The following TUBA1C variants were observed in gnomAD, a reference collection of about 807,000 sequenced individuals.
The protein encoded by TUBA1C is tubulin alpha-1C chain.
In TUBA1C, 16 loss-of-function variants were observed where a neutral mutation model predicts 34.9. That is an observed-to-expected ratio of 0.46 (90% confidence interval 0.31 to 0.70). The LOEUF (loss-of-function observed/expected upper bound fraction) is 0.70. TUBA1C is among the 30% of genes least tolerant of loss of function. The pLI is 0.05. For synonymous variants in TUBA1C, 177 were observed against 215.9 expected (o/e 0.82, Z 1.58); for missense variants, 329 against 587.3 (o/e 0.56, Z 4.55).
chr12:49,257,610 C>A (rs139827142), intron 1 of TUBA1C, among the ~76,000 whole-genome samples: 53 of 151,802 alleles, frequency 3.5e-4, no homozygotes, highest in African/African-American at 1.2e-3. Context: ...AAGACCCTCT[C>A]GCTACAAAAA....
chr12:49,272,170 T>C (rs1942999696), intron 3 of TUBA1C, 83 bp from the exon 4 acceptor site: 1 of 1,528,418 alleles, frequency 6.5e-7, no homozygotes, highest in Non-Finnish European at 8.8e-7. Flanking sequence ...CATAGATTTA[T>C]AGAAGTCCTC....
At chr12:49,267,487 C>T (rs868230500) in intron 1 of TUBA1C, among the ~76,000 whole-genome samples, 3 of 152,268 alleles carry the variant, frequency 2.0e-5, no homozygotes, top group Middle Eastern at 6.8e-3. Flanking sequence ...GGTGAAACCC[C>T]ATCTCTACTA....
At chr12:49,254,039 C>G (rs777237284) in intron 1 of TUBA1C, among the ~76,000 whole-genome samples, 3 of 152,082 alleles carry the variant, frequency 2.0e-5, no homozygotes, top group African/African-American at 4.8e-5. Context: ...GAGCCGGGTG[C>G]GGTGACTTAC....
chr12:49,243,645 T>C (rs1034401287), intron 1 of TUBA1C, among the ~76,000 whole-genome samples: 1 of 152,150 alleles, frequency 6.6e-6, no homozygotes, highest in Admixed American at 6.6e-5. Context: ...AGAGTCTTGC[T>C]CTATCGCCCA....
intron 1 of TUBA1C, among the ~76,000 whole-genome samples, chr12:49,240,067 CACACACACA>C (rs1360334701): frequency 1.3e-5 from 2 of 151,738 alleles, no homozygotes; most frequent in African/African-American, 4.9e-5. Flanking sequence ...CACACACACA[CACACACACA>C]CCCTGCCTTT....
At chr12:49,229,616 G>A (rs1592270346) in intron 1 of TUBA1C, among the ~76,000 whole-genome samples, 1 of 152,048 alleles carries the variant, frequency 6.6e-6, no homozygotes, top group East Asian at 1.9e-4. Context: ...TCTCCCCAAA[G>A]AAACCCCTGT....
intron 1 of TUBA1C, among the ~76,000 whole-genome samples, chr12:49,265,519 C>T (rs1476561381): frequency 6.6e-6 from 1 of 152,196 alleles, no homozygotes; most frequent in Non-Finnish European, 1.5e-5. Flanking sequence ...ACTAAAAATC[C>T]CTCCCCACGT....
Position 49,273,180 on chromosome 12 carries a change from G to T in TUBA1C, c.1303G>T (p.Val435Phe), listed in dbSNP as rs1307957227. Residue 435 changes from valine to phenylalanine, a missense_variant, in exon 4 of 4, where the codon GTT (valine) becomes TTT (phenylalanine). Physicochemically the swap from Val to Phe is conservative, Grantham distance 50 (BLOSUM62 -1). Around this residue, in one of 4 missense-constraint regions of TUBA1C, gnomAD observed 34 missense variants for 31.8 expected, o/e 1.07. Transcript: ENST00000301072. ...MAALEKDYEE[V>F]GADSADGEDE... ...TGCCCTTGAGAAGGATTATGAGGAG[G>T]TTGGAGCAGATAGTGCTGACGGAGA... 1.2e-6 allele frequency: 2 copies of T among 1,614,244 alleles called. No homozygotes were observed. The highest frequency in any genetic ancestry group is 1.3e-5 in the African/African-American group (1 of 75,060).
chr12:49,229,645 AC>A (rs1942474865), intron 1 of TUBA1C, among the ~76,000 whole-genome samples: 2 of 151,888 alleles, frequency 1.3e-5, no homozygotes, highest in African/African-American at 4.8e-5. Context: ...TGGGGGTGTA[AC>A]CAACTATTTC....
In TUBA1C at chr12:49,241,682, G is replaced by A. The variant is rs531210517; in HGVS notation, c.213+13516G>A. ...CCTTCCTTCCTTTTTTGAGAGTCTCGCTCTGCCCCCAGGCTGGAGTGCAAT... is the reference window on the plus strand; with the variant it reads ...CCTTCCTTCCTTTTTTGAGAGTCTCACTCTGCCCCCAGGCTGGAGTGCAAT... On this transcript the variant is annotated intron_variant, in intron 1 of 3. Coordinates refer to the TUBA1C transcript ENST00000541364. Among the ~76,000 whole-genome samples, 7 of 127,340 alleles carry A rather than the reference G, an allele frequency of 5.5e-5. No homozygotes were observed. The South Asian group carries it at 1.0e-3, about 18-fold the overall frequency. The allele number at this position is 127,340 out of a possible 152,430, so 83.5% of individuals were successfully genotyped here.
At chr12:49,245,360 G>A (rs1417527548) in intron 1 of TUBA1C, among the ~76,000 whole-genome samples, 3 of 152,132 alleles carry the variant, frequency 2.0e-5, no homozygotes, top group Non-Finnish European at 4.4e-5. Context: ...CAGCACTTTG[G>A]GAGGCCAAGG....
At chr12:49,246,761 A>C (rs1942673675) in intron 1 of TUBA1C, among the ~76,000 whole-genome samples, 1 of 152,204 alleles carries the variant, frequency 6.6e-6, no homozygotes, top group Non-Finnish European at 1.5e-5. Flanking sequence ...CAACTGGCTT[A>C]TGGCATTTCA....
In TUBA1C at chr12:49,272,671, T is replaced by C; in HGVS notation, c.794T>C (p.Ile265Thr). ...ACCAACCTGGTGCCCTACCCCCGCATCCACTTCCCTCTGGCCACATATGCC... is the reference window on the plus strand; with the variant it reads ...ACCAACCTGGTGCCCTACCCCCGCACCCACTTCCCTCTGGCCACATATGCC... The part of the protein sequence containing the change: ...FQTNLVPYPR[I>T]HFPLATYAPV... Residue 265 changes from isoleucine to threonine, a missense_variant, in exon 4 of 4, where the codon ATC becomes ACC. Transcript: ENST00000301072. 2 of 1,611,250 alleles carry C rather than the reference T, an allele frequency of 1.2e-6. No homozygotes were observed. Among genetic ancestry groups the C allele is most frequent in the Non-Finnish European group, 1.7e-6 (2 of 1,179,294 alleles).
chr12:49,253,256 G>A (rs1942749269), intron 1 of TUBA1C, among the ~76,000 whole-genome samples: 1 of 152,134 alleles, frequency 6.6e-6, no homozygotes, highest in Non-Finnish European at 1.5e-5. Context: ...AGTAGGCAGA[G>A]TTAGATTTAA....
chr12:49,265,907 C>G (rs1287809990), intron 1 of TUBA1C, among the ~76,000 whole-genome samples: 1 of 148,276 alleles, frequency 6.7e-6, no homozygotes, highest in Non-Finnish European at 1.5e-5. Context: ...GTAATCCCAG[C>G]ACTTGTTCGA....
At chr12:49,242,271 G>A (rs1227721250) in intron 1 of TUBA1C, among the ~76,000 whole-genome samples, 2 of 151,858 alleles carry the variant, frequency 1.3e-5, no homozygotes, top group African/African-American at 2.4e-5. Context: ...GATTACAGGT[G>A]TGAGCCACTG....
chr12:49,237,030 T>C (rs1365255702), intron 1 of TUBA1C, among the ~76,000 whole-genome samples: 1 of 152,184 alleles, frequency 6.6e-6, no homozygotes, highest in Middle Eastern at 3.2e-3. Flanking sequence ...GACCTGCTGA[T>C]TCTACCATGA....
Position 49,273,400 on chromosome 12 carries a change from C to T in TUBA1C, c.*173C>T. On this transcript the variant is annotated 3_prime_UTR_variant, in exon 4 of 4. Transcript: ENST00000301072. ...TGTATGAGGCTGGTAGATGAAACCA[C>T]CTGAGTCGAGGGTCTTGCTCTGTCA... 8.2e-7 allele frequency: 1 copy of T among 1,219,520 alleles called. No individual in the cohort carries two copies. The highest frequency in any genetic ancestry group is 1.1e-6 in the Non-Finnish European group (1 of 871,872). The allele number at this position is 1,219,520 out of a possible 1,614,324, so 75.5% of individuals were successfully genotyped here. A position where few individuals can be genotyped will look rare whatever the true frequency, so the allele number is the denominator to read the frequency against.
intron 1 of TUBA1C, among the ~76,000 whole-genome samples, chr12:49,231,429 CA>C (rs1323063206): frequency 6.6e-6 from 1 of 152,004 alleles, no homozygotes; most frequent in Non-Finnish European, 1.5e-5. Context: ...CTCAGCCTCC[CA>C]AAGTGCTGGG....
Sources: allele counts gnomAD v4.1 joint callset (sites outside exome capture counted in the v4.1 genomes callset), GRCh38; gene constraint gnomAD v4.1.1; regional missense constraint gnomAD v4.1.1; transcripts MANE v1.5; gene names NCBI Gene and HGNC (gene_info 2026-07-23, HGNC 2026-07-21).